DSCAML1: variants seen among roughly 807,000 people sequenced by gnomAD.
DSCAML1 encodes the protein DS cell adhesion molecule like 1, also known as cell adhesion molecule DSCAML1.
In DSCAML1, 38 loss-of-function variants were observed where a neutral mutation model predicts 200.5. The ratio of observed to expected loss-of-function variants is 0.19; its 90% confidence interval spans 0.15 to 0.25. DSCAML1 has a LOEUF of 0.25. Ranked by LOEUF, DSCAML1 falls within the 10% of genes least tolerant of loss-of-function variation. The pLI is 1.00. For synonymous variants in DSCAML1, 1,215 were observed against 1,165.0 expected (o/e 1.04, Z -0.87); for missense variants, 2,223 against 2,858.8 (o/e 0.78, Z 5.07).
rs765168401 is a variant in DSCAML1, at chr11:117,609,311, CTTTT to C, written c.512-76793_512-76790del. Among the ~76,000 whole-genome samples the C allele has an allele frequency of 1.4e-3, 88 of 60,846 alleles. 1 individual carries two copies. Among genetic ancestry groups the C allele is most frequent in the African/African-American group, 7.6e-3 (82 of 10,730 alleles). The allele number at this position is 60,846 out of a possible 152,430, so 39.9% of individuals were successfully genotyped here. A position where few individuals can be genotyped will look rare whatever the true frequency, so the allele number is the denominator to read the frequency against. ...TTTTCTTTTCTTTCTTTCTTTCTTTCTTTTTTTTTTTTTTGAGACAGGGTCTCAC... is the reference window on the plus strand; with the variant it reads ...TTTTCTTTTCTTTCTTTCTTTCTTTCTTTTTTTTTTGAGACAGGGTCTCAC... On this transcript the variant is annotated intron_variant, in intron 3 of 32. Transcript: ENST00000651296.
intron 3 of DSCAML1, among the ~76,000 whole-genome samples, chr11:117,606,090 A>G (rs1393025694): frequency 6.6e-6 from 1 of 152,058 alleles, no homozygotes; most frequent in Non-Finnish European, 1.5e-5. Context: ...TATGTGGGAA[A>G]TTATTCTTTG....
chr11:117,636,413 C>T (rs780617696), intron 3 of DSCAML1, among the ~76,000 whole-genome samples: 11 of 152,176 alleles, frequency 7.2e-5, no homozygotes, highest in Admixed American at 5.2e-4. Flanking sequence ...TAACTCAGCA[C>T]GTATGAACAC....
At chr11:117,561,479 C>T (rs2050662033) in intron 3 of DSCAML1, among the ~76,000 whole-genome samples, 1 of 152,238 alleles carries the variant, frequency 6.6e-6, no homozygotes. Flanking sequence ...GCACATGCTA[C>T]AGTTCTGTGG....
chr11:117,556,921 G>T (rs1413584741), intron 3 of DSCAML1, among the ~76,000 whole-genome samples: 1 of 152,220 alleles, frequency 6.6e-6, no homozygotes, highest in Non-Finnish European at 1.5e-5. Flanking sequence ...AATTGGTCTG[G>T]TGGGGTGGAG....
intron 3 of DSCAML1, among the ~76,000 whole-genome samples, chr11:117,661,233 A>G (rs1161345738): frequency 6.6e-6 from 1 of 152,144 alleles, no homozygotes; most frequent in Non-Finnish European, 1.5e-5. Flanking sequence ...GCAGGAAGAA[A>G]CTCAAGGCCT....
chr11:117,447,369 C>T (rs1011630706), intron 20 of DSCAML1, among the ~76,000 whole-genome samples: 4 of 152,086 alleles, frequency 2.6e-5, no homozygotes, highest in Admixed American at 2.6e-4. Flanking sequence ...AAGCAGATTG[C>T]ATTACGTTAT....
At chr11:117,711,187 G>T (rs1392899133) in intron 3 of DSCAML1, among the ~76,000 whole-genome samples, 1 of 152,206 alleles carries the variant, frequency 6.6e-6, no homozygotes. Flanking sequence ...TCATGGGGCA[G>T]GCTGAGCTCA....
chr11:117,491,256 G>A (rs550170401), intron 11 of DSCAML1, among the ~76,000 whole-genome samples: 1 of 152,314 alleles, frequency 6.6e-6, no homozygotes, highest in Admixed American at 6.5e-5. Context: ...AATCATCACA[G>A]TCTGTTATAC....
chr11:117,548,648 C>G (rs556206124), intron 3 of DSCAML1, among the ~76,000 whole-genome samples: 1 of 152,256 alleles, frequency 6.6e-6, no homozygotes, highest in East Asian at 1.9e-4. Context: ...CTCCTCTGAA[C>G]CTCCCCATAA....
chr11:117,512,850 A>G (rs1256485754), intron 8 of DSCAML1, among the ~76,000 whole-genome samples: 1 of 151,356 alleles, frequency 6.6e-6, no homozygotes, highest in Non-Finnish European at 1.5e-5. Flanking sequence ...CTGCAGAGAC[A>G]CTGTCGCTCA....
At chr11:117,803,906 C>A (rs1170213136) in intron 1 of DSCAML1, among the ~76,000 whole-genome samples, 1 of 152,234 alleles carries the variant, frequency 6.6e-6, no homozygotes, top group Non-Finnish European at 1.5e-5. Flanking sequence ...GCTGGACTTG[C>A]CAGTCCATGC....
chr11:117,561,334 C>T (rs1250912903), intron 3 of DSCAML1, among the ~76,000 whole-genome samples: 1 of 152,214 alleles, frequency 6.6e-6, no homozygotes, highest in African/African-American at 2.4e-5. Flanking sequence ...AAGCTGCTTC[C>T]TGTCTCTGAG....
intron 3 of DSCAML1, among the ~76,000 whole-genome samples, chr11:117,549,714 G>A (rs1448574997): frequency 6.6e-6 from 1 of 152,226 alleles, no homozygotes; most frequent in African/African-American, 2.4e-5. Context: ...TGCTGGGCCA[G>A]TGATTCTAGA....
intron 2 of DSCAML1, among the ~76,000 whole-genome samples, chr11:117,777,898 C>A (rs1314780048): frequency 6.6e-6 from 1 of 152,174 alleles, no homozygotes; most frequent in Non-Finnish European, 1.5e-5. Context: ...ATCCTTCCAC[C>A]CCCTTATCTG....
chr11:117,662,678 A>G (rs1354281836), intron 3 of DSCAML1, among the ~76,000 whole-genome samples: 6 of 152,242 alleles, frequency 3.9e-5, no homozygotes, highest in Non-Finnish European at 8.8e-5. Context: ...ACACAGGGAC[A>G]TTGGTTTTCA....
At chr11:117,487,153 G>C (rs1029012375) in intron 11 of DSCAML1, among the ~76,000 whole-genome samples, 2 of 151,904 alleles carry the variant, frequency 1.3e-5, no homozygotes, top group Non-Finnish European at 2.9e-5. Flanking sequence ...TTGAACTCCT[G>C]ATCTCAGGTG....
intron 17 of DSCAML1, among the ~76,000 whole-genome samples, chr11:117,464,282 A>G (rs914772636): frequency 6.6e-6 from 1 of 151,878 alleles, no homozygotes; most frequent in Non-Finnish European, 1.5e-5. Context: ...CTTCTCTGGG[A>G]GCATCAGGGG....
intron 3 of DSCAML1, among the ~76,000 whole-genome samples, chr11:117,629,472 C>T (rs1488841367): frequency 1.0e-4 from 15 of 147,684 alleles, no homozygotes; most frequent in Admixed American, 9.3e-4. Context: ...GGACAAAGGA[C>T]AGTGCTCTCC....
rs899728788 is a variant in DSCAML1, at chr11:117,773,082, T to C, written c.511+3709A>G. On this transcript the variant is annotated intron_variant, in intron 3 of 32. Transcript: ENST00000651296. ...TGGCCAGCTTCAGGATAGCCAGGGA[T>C]AGCCGGGAAGGCTAACCTGTGAGTA... is the stretch of plus-strand genomic sequence containing the variant. Among the ~76,000 whole-genome samples the C allele has an allele frequency of 3.3e-5, 5 of 152,218 alleles. No homozygotes were observed. In the East Asian group the frequency reaches 9.6e-4, roughly 29 times the overall value.
Sources: gnomAD v4.1 joint callset for allele counts (sites outside exome capture counted in the v4.1 genomes callset) on GRCh38, gnomAD v4.1.1 for gene constraint, MANE v1.5 for transcripts, NCBI Gene and HGNC (gene_info 2026-07-23, HGNC 2026-07-21) for gene names.